The following HORMAD2 variants were observed in gnomAD, a reference collection of about 807,000 sequenced individuals.
HORMAD2 encodes HORMA domain containing 2, also known as HORMA domain-containing protein 2.
Under a neutral mutation model 38.8 loss-of-function variants are expected in HORMAD2, and 45 were observed. That is an observed-to-expected ratio of 1.16 (90% confidence interval 0.91 to 1.49). HORMAD2 has a LOEUF of 1.49. HORMAD2 is among the 40% of genes most tolerant of loss of function. The pLI is 0.00. For synonymous variants in HORMAD2, 126 were observed against 122.8 expected (o/e 1.03, Z -0.17); for missense variants, 338 against 367.0 (o/e 0.92, Z 0.65).
intron 3 of HORMAD2, among the ~76,000 whole-genome samples, chr22:30,101,163 G>A (rs374179221): frequency 6.6e-6 from 1 of 152,160 alleles, no homozygotes; most frequent in East Asian, 1.9e-4. Flanking sequence ...ATTTACAATA[G>A]CAAAGACTTG....
intron 10 of HORMAD2, among the ~76,000 whole-genome samples, chr22:30,129,237 AAAAAAAAAAAAAAAAAAAAGAG>A (rs1250390850): frequency 2.4e-5 from 2 of 82,806 alleles, no homozygotes; most frequent in Non-Finnish European, 5.6e-5. Context: ...AAAAAAAAAA[AAAAAAAAAAAAAAAAAAAAGAG>A]AGAGAGAGAA....
chr22:30,182,156 C>A, the HORMAD2 span, among the ~76,000 whole-genome samples: 1 of 152,106 alleles, frequency 6.6e-6, no homozygotes, highest in Non-Finnish European at 1.5e-5. Context: ...TGACTCTGTT[C>A]GACAATTTTA....
intron 1 of HORMAD2, among the ~76,000 whole-genome samples, chr22:30,091,173 G>A (rs1601503431): frequency 1.3e-5 from 2 of 151,744 alleles, no homozygotes; most frequent in Admixed American, 1.3e-4. Context: ...TTTTTTAAAT[G>A]GCTGAATAAT....
chr22:30,125,216 C>CTTTTTTTTTTT lies in HORMAD2; in HGVS notation c.819+3018_819+3028dup, dbSNP rs1167990121. 9.1e-3 allele frequency among the ~76,000 whole-genome samples: 397 copies of CTTTTTTTTTTT among 43,482 alleles called. 29 individuals carry two copies. The highest frequency in any genetic ancestry group is 0.012 in the East Asian group (19 of 1,582). 28.5% of individuals were successfully genotyped at this position (43,482 alleles called of 152,430 possible). On this transcript the variant is annotated intron_variant, in intron 10 of 10. Coordinates refer to ENST00000336726, the MANE Select transcript of HORMAD2 (RefSeq NM_152510.4). ...CATCTTTTCACTTTCTTTTTCTTTT[C>CTTTTTTTTTTT]TTTTTTTTTTTTTTTTTTTTTTTTT...
chr22:30,087,437 C>A (rs111681665), intron 1 of HORMAD2, among the ~76,000 whole-genome samples: 3 of 152,248 alleles, frequency 2.0e-5, no homozygotes, highest in African/African-American at 7.2e-5. Context: ...AGAAGTTATA[C>A]TTGAAACAAT....
At chr22:30,134,096 T>C (rs1283990837) in intron 10 of HORMAD2, among the ~76,000 whole-genome samples, 1 of 152,042 alleles carries the variant, frequency 6.6e-6, no homozygotes, top group Non-Finnish European at 1.5e-5. Context: ...GTGAAGAAAG[T>C]TTAAAAGAAT....
intron 10 of HORMAD2, among the ~76,000 whole-genome samples, chr22:30,133,892 AGT>A (rs940825021): frequency 6.6e-6 from 1 of 152,050 alleles, no homozygotes; most frequent in African/African-American, 2.4e-5. Flanking sequence ...GTAGGTGTGG[AGT>A]GTGTGTGCCC....
In HORMAD2 at chr22:30,137,084, G is replaced by A. The variant is rs151290155; in HGVS notation, c.819+14870G>A. ...AAAGTAAATAATCATTGATAGTCTT[G>A]ACATCAATGTGAACTTAAATCATGG... On this transcript the variant is annotated intron_variant, in intron 10 of 10. Coordinates refer to ENST00000336726, the MANE Select transcript of HORMAD2 (RefSeq NM_152510.4). The A allele has an allele frequency of 1.8e-3, 647 of 357,538 alleles. 4 individuals are homozygous for A. The highest frequency in any genetic ancestry group is 0.013 in the African/African-American group (591 of 46,546). The allele number at this position is 357,538 out of a possible 1,614,324, so 22.1% of individuals were successfully genotyped here. A position where few individuals can be genotyped will look rare whatever the true frequency, so the allele number is the denominator to read the frequency against.
chr22:30,119,397 C>T (rs914440511), intron 8 of HORMAD2, among the ~76,000 whole-genome samples: 1 of 152,184 alleles, frequency 6.6e-6, no homozygotes, highest in African/African-American at 2.4e-5. Flanking sequence ...ATATAGCCAG[C>T]CTGTGCCTAG....
At chr22:30,187,059 C>A in the HORMAD2 span, among the ~76,000 whole-genome samples, 1 of 152,172 alleles carries the variant, frequency 6.6e-6, no homozygotes, top group Admixed American at 6.5e-5. Flanking sequence ...TATGTGCCCT[C>A]TATTCAGCAA....
chr22:30,180,568 T>A (rs143641673), downstream of HORMAD2, among the ~76,000 whole-genome samples: 7 of 152,304 alleles, frequency 4.6e-5, no homozygotes, highest in African/African-American at 1.7e-4. Context: ...ATATTTCATC[T>A]CTCTAGCCCC....
intron 10 of HORMAD2, among the ~76,000 whole-genome samples, chr22:30,169,544 C>T (rs1925984498): frequency 6.6e-6 from 1 of 152,160 alleles, no homozygotes; most frequent in Admixed American, 6.6e-5. Context: ...TGGTCACAAA[C>T]TACAGAAGAT....
At chr22:30,120,699 T>A (rs1276351551) in intron 8 of HORMAD2, among the ~76,000 whole-genome samples, 2 of 152,182 alleles carry the variant, frequency 1.3e-5, no homozygotes, top group Admixed American at 1.3e-4. Flanking sequence ...ATGAAAGATA[T>A]AGCCACTCAC....
At chr22:30,096,135 T>A (rs1041346958) in intron 2 of HORMAD2, among the ~76,000 whole-genome samples, 1 of 152,228 alleles carries the variant, frequency 6.6e-6, no homozygotes, top group Non-Finnish European at 1.5e-5. Flanking sequence ...TTCTCATTGC[T>A]ATATAGTATT....
chr22:30,184,725 AT>A, the HORMAD2 span: 97 of 152,332 alleles, frequency 6.4e-4, no homozygotes, highest in African/African-American at 2.2e-3. Flanking sequence ...TGGGGAGTAG[AT>A]TAGATGACTT....
the HORMAD2 span, among the ~76,000 whole-genome samples, chr22:30,188,852 T>C: frequency 3.3e-5 from 5 of 152,094 alleles, no homozygotes; most frequent in African/African-American, 1.2e-4. Context: ...AAATGAAATT[T>C]GGGCCGGGTG....
At chr22:30,186,556 A>G in the HORMAD2 span, among the ~76,000 whole-genome samples, 1 of 151,818 alleles carries the variant, frequency 6.6e-6, no homozygotes, top group Non-Finnish European at 1.5e-5. Flanking sequence ...TTGTGTGAAG[A>G]CCCTCTTACT....
chr22:30,125,208 T>C (rs1222106321), intron 10 of HORMAD2, among the ~76,000 whole-genome samples: 2 of 131,516 alleles, frequency 1.5e-5, no homozygotes, highest in Non-Finnish European at 3.1e-5. Context: ...TCACTTTCTT[T>C]TTCTTTTCTT....
At chr22:30,158,728 G>C (rs1925264069) in intron 10 of HORMAD2, among the ~76,000 whole-genome samples, 1 of 150,052 alleles carries the variant, frequency 6.7e-6, no homozygotes, top group Non-Finnish European at 1.5e-5. Flanking sequence ...CTGTCACCCA[G>C]GCTGGAATGC....
Sources: allele counts gnomAD v4.1 joint callset (sites outside exome capture counted in the v4.1 genomes callset), GRCh38; gene constraint gnomAD v4.1.1; transcripts MANE v1.5; gene names NCBI Gene and HGNC (gene_info 2026-07-23, HGNC 2026-07-21).